SNX29: variants seen among roughly 807,000 people sequenced by gnomAD.
SNX29 encodes sorting nexin-29.
In SNX29, 78 loss-of-function variants were observed where a neutral mutation model predicts 102.1. That is an observed-to-expected ratio of 0.76 (90% CI 0.64 to 0.92). The LOEUF (loss-of-function observed/expected upper bound fraction) is 0.92, where lower values mean the gene tolerates loss of function less well. SNX29 is among the 40% of genes least tolerant of loss of function. SNX29 has a pLI of 0.00. For synonymous variants in SNX29, 580 were observed against 414.5 expected (o/e 1.40, Z -4.85); for missense variants, 1,280 against 1,061.7 (o/e 1.21, Z -2.86).
chr16:12,432,093 G>T (rs2085339656), intron 18 of SNX29, among the ~76,000 whole-genome samples: 1 of 152,220 alleles, frequency 6.6e-6, no homozygotes, highest in Non-Finnish European at 1.5e-5. Flanking sequence ...CCTGGTGATG[G>T]TGGAGGGGAC....
At chr16:12,372,843 G>A (rs2082732233) in intron 16 of SNX29, 1 of 152,156 alleles carries the variant, frequency 6.6e-6, no homozygotes, top group African/African-American at 2.4e-5. Context: ...TGTATCCTGT[G>A]GCTTCTCCAT....
At chr16:12,120,140 C>T (rs574817786) in intron 11 of SNX29, among the ~76,000 whole-genome samples, 2 of 152,076 alleles carry the variant, frequency 1.3e-5, no homozygotes, top group Non-Finnish European at 2.9e-5. Context: ...ATAGTTTATC[C>T]TTTCTTTTGG....
At chr16:12,306,452 C>G (rs1055322054) in intron 15 of SNX29, among the ~76,000 whole-genome samples, 1 of 152,014 alleles carries the variant, frequency 6.6e-6, no homozygotes, top group Admixed American at 6.5e-5. Flanking sequence ...ATGAATTAAA[C>G]AGACATTTAA....
At chr16:12,457,301 G>A (rs1262430920) in intron 18 of SNX29, among the ~76,000 whole-genome samples, 3 of 152,218 alleles carry the variant, frequency 2.0e-5, no homozygotes, top group Non-Finnish European at 2.9e-5. Context: ...AGGTAAGGTA[G>A]GTTGGCCAGG....
At chr16:12,102,133 A>G (rs1015772650) in intron 11 of SNX29, among the ~76,000 whole-genome samples, 5 of 152,172 alleles carry the variant, frequency 3.3e-5, no homozygotes, top group African/African-American at 1.2e-4. Flanking sequence ...TCCATGGTGT[A>G]TATGTGCCGC....
chr16:12,170,536 AAGG>A, intron 13 of SNX29, among the ~76,000 whole-genome samples: 1 of 151,684 alleles, frequency 6.6e-6, no homozygotes, highest in African/African-American at 2.4e-5. Context: ...GCTCAGGCAG[AAGG>A]AGGAGGGTAG....
chr16:12,059,846 G>A (rs569763987), intron 8 of SNX29, among the ~76,000 whole-genome samples: 231 of 152,216 alleles, frequency 1.5e-3, no homozygotes, highest in Non-Finnish European at 2.8e-3. Flanking sequence ...GAGACGACTC[G>A]GTGCACTTGA....
chr16:12,078,320 C>A (rs142753696), intron 10 of SNX29, among the ~76,000 whole-genome samples: 9 of 151,752 alleles, frequency 5.9e-5, no homozygotes, highest in Middle Eastern at 6.8e-3. Context: ...AGTAAAAATA[C>A]AAGAATTAGT....
At chr16:12,264,827 T>G (rs1307436427) in intron 14 of SNX29, among the ~76,000 whole-genome samples, 1 of 152,118 alleles carries the variant, frequency 6.6e-6, no homozygotes, top group East Asian at 1.9e-4. Flanking sequence ...ATTGATCTAT[T>G]GCCCTCCATA....
chr16:12,456,506 C>CGTGTGT (rs3072479), intron 18 of SNX29, among the ~76,000 whole-genome samples: 17 of 148,948 alleles, frequency 1.1e-4, no homozygotes, highest in African/African-American at 1.2e-4. Context: ...CATGTGTGCA[C>CGTGTGT]GTGTGTGTGT....
chr16:12,528,057 C>T (rs530115111), intron 20 of SNX29, among the ~76,000 whole-genome samples: 1 of 152,002 alleles, frequency 6.6e-6, no homozygotes, highest in Non-Finnish European at 1.5e-5. Flanking sequence ...GATCTCCTGA[C>T]CCCGTTATTC....
At chr16:12,479,260 A>G (rs572350297) in intron 19 of SNX29, among the ~76,000 whole-genome samples, 40 of 152,326 alleles carry the variant, frequency 2.6e-4, no homozygotes, top group African/African-American at 9.1e-4. Context: ...CAGATGCCAT[A>G]TGGGGCGAAT....
intron 20 of SNX29, among the ~76,000 whole-genome samples, chr16:12,550,480 A>G (rs868063305): frequency 4.7e-5 from 7 of 150,366 alleles, no homozygotes; most frequent in African/African-American, 1.2e-4. Flanking sequence ...GGTTGGAGTG[A>G]GCTGACATTG....
At chr16:12,027,288 G>A in intron 3 of SNX29, 32 bp from the exon 4 acceptor site, 1 of 1,611,666 alleles carries the variant, frequency 6.2e-7, no homozygotes. Flanking sequence ...CCCTTTTCTG[G>A]GGGGACTGAT....
chr16:12,158,869 TC>T (rs2055665248), intron 13 of SNX29, among the ~76,000 whole-genome samples: 1 of 152,204 alleles, frequency 6.6e-6, no homozygotes, highest in African/African-American at 2.4e-5. Context: ...TTGACTTCTG[TC>T]CCACTTTCTC....
At chr16:12,444,544 G>A (rs1211734354) in intron 18 of SNX29, among the ~76,000 whole-genome samples, 1 of 152,250 alleles carries the variant, frequency 6.6e-6, no homozygotes, top group African/African-American at 2.4e-5. Flanking sequence ...TGCCTGAGCT[G>A]GATTAGGTGG....
chr16:12,411,902 T>G (rs1011911816), intron 18 of SNX29, among the ~76,000 whole-genome samples: 5 of 152,198 alleles, frequency 3.3e-5, no homozygotes, highest in African/African-American at 1.2e-4. Context: ...CAATTAAGCC[T>G]GGAAGGAAAC....
At chr16:12,285,657 A>T (rs144183874) in intron 15 of SNX29, among the ~76,000 whole-genome samples, 1 of 152,320 alleles carries the variant, frequency 6.6e-6, no homozygotes, top group African/African-American at 2.4e-5. Flanking sequence ...TTACACCACC[A>T]GTGCCTGCCT....
At chr16:12,445,665 G>T (rs1003182032) in intron 18 of SNX29, among the ~76,000 whole-genome samples, 1 of 152,206 alleles carries the variant, frequency 6.6e-6, no homozygotes, top group Non-Finnish European at 1.5e-5. Flanking sequence ...TCAGTGTACA[G>T]TGGGTTCAGA....
Sources: allele counts gnomAD v4.1 joint callset (sites outside exome capture counted in the v4.1 genomes callset), GRCh38; gene constraint gnomAD v4.1.1; transcripts MANE v1.5; gene names NCBI Gene and HGNC (gene_info 2026-07-23, HGNC 2026-07-21).